NRP1: variants seen among roughly 807,000 people sequenced by gnomAD.
NRP1 encodes neuropilin 1, also known as neuropilin-1.
In NRP1, 35 loss-of-function variants were observed where a neutral mutation model predicts 106.7. That is an observed-to-expected ratio of 0.33 (90% CI 0.25 to 0.43). NRP1 has a LOEUF of 0.43. Among genes scored for constraint, NRP1 ranks in the 20% least tolerant of loss-of-function variants. NRP1 has a pLI of 1.00. For synonymous variants in NRP1, 437 were observed against 417.9 expected (o/e 1.05, Z -0.56); for missense variants, 1,024 against 1,170.4 (o/e 0.87, Z 1.83).
chr10:33,250,022 G>A (rs1004992658), intron 6 of NRP1, among the ~76,000 whole-genome samples: 4 of 152,036 alleles, frequency 2.6e-5, no homozygotes, highest in African/African-American at 9.7e-5. Context: ...GCAAGTATTT[G>A]TGTACTTGTT....
chr10:33,207,126 T>A (rs763355788), intron 10 of NRP1, among the ~76,000 whole-genome samples: 1 of 152,160 alleles, frequency 6.6e-6, no homozygotes, highest in Non-Finnish European at 1.5e-5. Context: ...CAAAAGTGGT[T>A]GCCAGGGGTT....
chr10:33,270,650 G>T, intron 3 of NRP1, 25 bp downstream of exon 3: 2 of 1,572,626 alleles, frequency 1.3e-6, no homozygotes, highest in South Asian at 1.2e-5. Context: ...AGTCATTCTT[G>T]TTCTACCGTA....
intron 6 of NRP1, among the ~76,000 whole-genome samples, chr10:33,239,304 G>C (rs560684437): frequency 6.6e-6 from 1 of 151,920 alleles, no homozygotes; most frequent in East Asian, 1.9e-4. Context: ...AAAAAATGGG[G>C]GTCTTCTTCA....
At chr10:33,321,336 T>C (rs1054091268) in intron 2 of NRP1, among the ~76,000 whole-genome samples, 4 of 152,222 alleles carry the variant, frequency 2.6e-5, no homozygotes, top group Non-Finnish European at 2.9e-5. Flanking sequence ...CCAAATGTGT[T>C]AACAAACAAA....
At chr10:33,252,415 A>C (rs1841933368) in intron 6 of NRP1, among the ~76,000 whole-genome samples, 2 of 152,274 alleles carry the variant, frequency 1.3e-5, no homozygotes, top group Middle Eastern at 3.4e-3. Context: ...GCAAAGCAAA[A>C]GAGCACCTGT....
At chr10:33,313,372 C>T (rs986073793) in intron 2 of NRP1, among the ~76,000 whole-genome samples, 1 of 152,026 alleles carries the variant, frequency 6.6e-6, no homozygotes, top group East Asian at 1.9e-4. Flanking sequence ...CTTGCAAAGA[C>T]CAAAGAAAGC....
At chr10:33,247,879 A>G (rs983470196) in intron 6 of NRP1, among the ~76,000 whole-genome samples, 1 of 152,208 alleles carries the variant, frequency 6.6e-6, no homozygotes, top group South Asian at 2.1e-4. Flanking sequence ...CTCCGGAGTC[A>G]GGACTTTGGT....
intron 2 of NRP1, among the ~76,000 whole-genome samples, chr10:33,276,720 G>A (rs78540951): frequency 0.034 from 5,121 of 152,096 alleles, 141 homozygotes; most frequent in Non-Finnish European, 0.046. Flanking sequence ...ATTAACTATC[G>A]GTGATTCATT....
chr10:33,222,590 G>A (rs868062844), intron 7 of NRP1, among the ~76,000 whole-genome samples: 1 of 151,698 alleles, frequency 6.6e-6, no homozygotes, highest in African/African-American at 2.4e-5. Flanking sequence ...ATGCGATCTC[G>A]GCTCACTGCG....
At chr10:33,263,472 T>C (rs1440611011) in intron 4 of NRP1, among the ~76,000 whole-genome samples, 174 bp downstream of exon 4, 2 of 152,186 alleles carry the variant, frequency 1.3e-5, no homozygotes, top group African/African-American at 4.8e-5. Context: ...ATTACTAAGG[T>C]CTTCTTGAGC....
In NRP1 at chr10:33,202,577, T is replaced by G. The variant is rs1396042431; in HGVS notation, c.1864+314A>C. The G allele has an allele frequency of 4.0e-4, 512 of 1,278,716 alleles. 7 individuals are homozygous for G. The highest frequency in any genetic ancestry group is 1.7e-3 in the South Asian group (99 of 57,228). 79.2% of individuals were successfully genotyped at this position (1,278,716 alleles called of 1,614,324 possible). A position where few individuals can be genotyped will look rare whatever the true frequency, so the allele number is the denominator to read the frequency against. On this transcript the variant is annotated intron_variant, in intron 11 of 16. Coordinates refer to ENST00000374867, the MANE Select transcript of NRP1 (RefSeq NM_003873.7). ...TGGTGCACGTGTTATTGGGGGGGGG[T>G]CTGAAAATAATGAAAATAAGGATCG...
intron 8 of NRP1, among the ~76,000 whole-genome samples, chr10:33,217,265 C>T (rs1838853650): frequency 6.6e-6 from 1 of 152,060 alleles, no homozygotes; most frequent in Non-Finnish European, 1.5e-5. Flanking sequence ...AATGCAGACT[C>T]GGCTGGGGCA....
chr10:33,188,910 A>AATATATATATAT (rs9299704), intron 13 of NRP1, among the ~76,000 whole-genome samples: 4,186 of 111,080 alleles, frequency 0.038, 136 homozygotes, highest in East Asian at 0.078. Context: ...CCCTGTCTTA[A>AATATATATATAT]ATATATATAT....
chr10:33,202,635 T>C (rs1364077357), intron 11 of NRP1: 7 of 1,525,282 alleles, frequency 4.6e-6, no homozygotes, highest in Non-Finnish European at 6.2e-6. Context: ...GAAATTCTTA[T>C]TCAATTAAGA....
intron 2 of NRP1, among the ~76,000 whole-genome samples, chr10:33,322,320 GA>G (rs1262946028): frequency 6.6e-6 from 1 of 152,090 alleles, no homozygotes; most frequent in African/African-American, 2.4e-5. Flanking sequence ...CTAGAATTTA[GA>G]TATTTACTCC....
intron 4 of NRP1, among the ~76,000 whole-genome samples, chr10:33,258,290 A>G (rs1482343632): frequency 1.3e-5 from 2 of 152,222 alleles, no homozygotes; most frequent in African/African-American, 4.8e-5. Flanking sequence ...TAAAATAACT[A>G]AAGTAAACCA....
chr10:33,293,702 A>G (rs1588938963), intron 2 of NRP1, among the ~76,000 whole-genome samples: 1 of 152,228 alleles, frequency 6.6e-6, no homozygotes, highest in East Asian at 1.9e-4. Flanking sequence ...TTATTTTTGA[A>G]GGAAGAATGC....
At chr10:33,255,553 C>T (rs1379668274) in intron 5 of NRP1, among the ~76,000 whole-genome samples, 1 of 152,126 alleles carries the variant, frequency 6.6e-6, no homozygotes, top group Non-Finnish European at 1.5e-5. Flanking sequence ...CTTTGAGGCT[C>T]AAGCAATCTT....
intron 11 of NRP1, among the ~76,000 whole-genome samples, chr10:33,200,781 T>C (rs1837241409): frequency 1.3e-5 from 2 of 152,224 alleles, no homozygotes; most frequent in African/African-American, 4.8e-5. Context: ...AACAATGGCA[T>C]GTGAGCACAT....
Sources: allele counts gnomAD v4.1 joint callset (sites outside exome capture counted in the v4.1 genomes callset), GRCh38; gene constraint gnomAD v4.1.1; transcripts MANE v1.5; gene names NCBI Gene and HGNC (gene_info 2026-07-23, HGNC 2026-07-21).